ECT2L: variants seen among roughly 807,000 people sequenced by gnomAD.
ECT2L encodes epithelial cell transforming 2 like.
In ECT2L, 126 loss-of-function variants were observed where a neutral mutation model predicts 122.8. The ratio of observed to expected loss-of-function variants is 1.03; its 90% confidence interval spans 0.89 to 1.19. The LOEUF (loss-of-function observed/expected upper bound fraction) is 1.19. ECT2L is among the 50% of genes most tolerant of loss of function. The pLI is 0.00. For synonymous variants in ECT2L, 385 were observed against 381.8 expected, an observed-to-expected ratio of 1.01 and a Z score of -0.10; for missense variants, 1,012 against 1,064.1, an observed-to-expected ratio of 0.95 and a Z score of 0.68.
intron 14 of ECT2L, chr6:138,879,171 A>T: frequency 3.7e-6 from 1 of 267,558 alleles, no homozygotes; most frequent in East Asian, 1.1e-4. Context: ...CGCCTCATTG[A>T]CAAGCCTTGC....
chr6:138,830,004 G>A (rs938947437), intron 4 of ECT2L, among the ~76,000 whole-genome samples: 13 of 152,152 alleles, frequency 8.5e-5, no homozygotes, highest in African/African-American at 2.7e-4. Flanking sequence ...GATTACAGGC[G>A]TGAGCCACCG....
At chr6:138,809,791 G>A (rs1775831045) in intron 1 of ECT2L, among the ~76,000 whole-genome samples, 1 of 152,162 alleles carries the variant, frequency 6.6e-6, no homozygotes, top group Non-Finnish European at 1.5e-5. Flanking sequence ...TTCTCTGGAA[G>A]ATTTTGTGTA....
chr6:138,848,366 G>A (rs953642112), intron 8 of ECT2L, among the ~76,000 whole-genome samples: 8 of 152,040 alleles, frequency 5.3e-5, no homozygotes, highest in Non-Finnish European at 1.2e-4. Flanking sequence ...AAGAATGTCA[G>A]AAATCCTGTT....
At chr6:138,841,049 C>A (rs1203572946) in intron 5 of ECT2L, among the ~76,000 whole-genome samples, 1 of 152,068 alleles carries the variant, frequency 6.6e-6, no homozygotes. Flanking sequence ...GATCTTAAAC[C>A]CATCCATTGA....
chr6:138,806,511 C>CTTCTTTTT lies in ECT2L; in HGVS notation c.-243-6325_-243-6324insCTTTTTTT, dbSNP rs530723007. Reference sequence around the variant, plus strand: ...TCCCCTGTGCAGCTGAAAATTCACGCTTTTTTTTTTTTTTTTTTTGAGATG... The same window carrying CTTCTTTTT: ...TCCCCTGTGCAGCTGAAAATTCACGCTTCTTTTTTTTTTTTTTTTTTTTTTTTGAGATG... On this transcript the variant is annotated intron_variant, in intron 1 of 21. Transcript: ENST00000541398. 8.9e-5 allele frequency among the ~76,000 whole-genome samples: 8 copies of CTTCTTTTT among 89,664 alleles called. 1 individual carries two copies. Among genetic ancestry groups the CTTCTTTTT allele is most frequent in the Non-Finnish European group, 8.0e-5 (4 of 49,870 alleles). 58.8% of individuals were successfully genotyped at this position (89,664 alleles called of 152,430 possible). A position where few individuals can be genotyped will look rare whatever the true frequency, so the allele number is the denominator to read the frequency against.
At chr6:138,857,133 T>G (rs1217224070) in intron 10 of ECT2L, among the ~76,000 whole-genome samples, 1 of 152,166 alleles carries the variant, frequency 6.6e-6, no homozygotes, top group East Asian at 1.9e-4. Context: ...TCTCCAGACT[T>G]CCACATCCAA....
At position 138,815,104 on chromosome 6, in the gene ECT2L, C is replaced by T. The variant is rs74899739; in HGVS notation, c.179+501C>T. ...TTCTTCCCCTTCCCTCATGTTATGT[C>T]TGTAATTTACTTTAAAACACTCAGC... On this transcript the variant is annotated intron_variant, in intron 4 of 21. Transcript: ENST00000541398. Among the ~76,000 whole-genome samples the T allele has an allele frequency of 7.3e-3, 1,107 of 152,218 alleles. 17 individuals carry two copies. Among genetic ancestry groups the T allele is most frequent in the African/African-American group, 0.025 (1,056 of 41,512 alleles).
At chr6:138,826,980 C>G (rs1325785406) in intron 4 of ECT2L, among the ~76,000 whole-genome samples, 5 of 152,150 alleles carry the variant, frequency 3.3e-5, no homozygotes, top group Non-Finnish European at 7.3e-5. Context: ...CTGAGAAAAC[C>G]AAGCAGATGC....
chr6:138,884,563 G>C (rs1778747850), intron 16 of ECT2L, among the ~76,000 whole-genome samples: 1 of 151,978 alleles, frequency 6.6e-6, no homozygotes, highest in Non-Finnish European at 1.5e-5. Flanking sequence ...GCTTGAACCT[G>C]GGAGGCAGAG....
At position 138,865,068 on chromosome 6, in the gene ECT2L, A is replaced by C. The variant is rs1314384484; in HGVS notation, c.1364A>C (p.Gln455Pro). ...SSIYFCESKL[Q>P]TWSSFTDFLE... ...ATCTACTTCTGCGAATCGAAGCTAC[A>C]GACGTGGTCCAGCTTCACAGACTTC... Residue 455 changes from glutamine to proline, a missense_variant, in exon 12 of 22, where the codon CAG (glutamine) becomes CCG (proline). Gln to Pro is a moderately conservative substitution (Grantham distance 76). Transcript: ENST00000541398. 1.9e-6 allele frequency: 3 copies of C among 1,614,172 alleles called. No homozygotes were observed. The South Asian group carries it at 3.3e-5, about 18-fold the overall frequency.
At chr6:138,894,683 A>C (rs1015109593) in intron 20 of ECT2L, among the ~76,000 whole-genome samples, 1 of 152,136 alleles carries the variant, frequency 6.6e-6, no homozygotes, top group Non-Finnish European at 1.5e-5. Flanking sequence ...GACAAAGAAC[A>C]ATTATGGTCA....
chr6:138,900,802 T>TA lies in ECT2L; in HGVS notation c.2415-145dup, dbSNP rs1408836034. Reference sequence around the variant, plus strand: ...GGGCGAATCACATCAGGAGGAATATTATACTGAGAACTTCAACCAGCCATT... The same window carrying TA: ...GGGCGAATCACATCAGGAGGAATATTAATACTGAGAACTTCAACCAGCCATT... On this transcript the variant is annotated intron_variant, in intron 20 of 21. Transcript: ENST00000541398. 3 of 854,390 alleles carry TA rather than the reference T, an allele frequency of 3.5e-6. No homozygotes were observed. In the African/African-American group the frequency reaches 5.2e-5, roughly 15 times the overall value. The allele number at this position is 854,390 out of a possible 1,614,324, so 52.9% of individuals were successfully genotyped here.
intron 13 of ECT2L, among the ~76,000 whole-genome samples, chr6:138,874,748 A>G (rs888559467): frequency 3.9e-5 from 6 of 152,170 alleles, no homozygotes; most frequent in African/African-American, 1.4e-4. Context: ...GCCCAACCTG[A>G]GAGTTTTGTT....
At chr6:138,896,031 T>C (rs1292581789) in intron 20 of ECT2L, among the ~76,000 whole-genome samples, 3 of 152,146 alleles carry the variant, frequency 2.0e-5, no homozygotes, top group Non-Finnish European at 4.4e-5. Flanking sequence ...TTAGAATATA[T>C]TTTGTACCTT....
intron 13 of ECT2L, among the ~76,000 whole-genome samples, chr6:138,871,676 C>A (rs547626090): frequency 6.6e-6 from 1 of 152,062 alleles, no homozygotes; most frequent in African/African-American, 2.4e-5. Flanking sequence ...CATGGTGGGG[C>A]ACACCTGTAG....
chr6:138,849,568 C>T (rs1411322362), intron 9 of ECT2L, 134 bp downstream of exon 9: 5 of 840,338 alleles, frequency 5.9e-6, no homozygotes, highest in East Asian at 3.3e-5. Context: ...ATGAAAAAAG[C>T]GAAGCTTTTT....
At chr6:138,882,596 A>C (rs1410450670) in intron 15 of ECT2L, 128 bp from the exon 16 acceptor site, 10 of 1,120,306 alleles carry the variant, frequency 8.9e-6, no homozygotes, top group Non-Finnish European at 1.3e-5. Context: ...TGTTAGGAAG[A>C]AATGACTTGA....
intron 4 of ECT2L, among the ~76,000 whole-genome samples, chr6:138,833,833 T>C (rs1391905906): frequency 1.5e-5 from 2 of 136,462 alleles, no homozygotes; most frequent in African/African-American, 5.8e-5. Flanking sequence ...TAAAAAAAAA[T>C]GCACCAGGGA....
At position 138,844,432 on chromosome 6, in the gene ECT2L, C is replaced by A; in HGVS notation, c.616C>A (p.Pro206Thr). The A allele has an allele frequency of 1.2e-6, 2 of 1,613,886 alleles. No individual in the cohort carries two copies. The highest frequency in any genetic ancestry group is 1.7e-6 in the Non-Finnish European group (2 of 1,179,864). Residue 206 changes from proline to threonine, a missense_variant, in exon 7 of 22, where the codon CCC becomes ACC. Transcript: ENST00000541398. ...LRKKELFKVR[P>T]PWVSGTCCSS... ...TTCAGAGGAGTTATTCAAAGTTCGA[C>A]CCCCTTGGGTGAGTGGAACTTGCTG...
Sources: gnomAD v4.1 joint callset for allele counts (sites outside exome capture counted in the v4.1 genomes callset) on GRCh38, gnomAD v4.1.1 for gene constraint, MANE v1.5 for transcripts, NCBI Gene and HGNC (gene_info 2026-07-23, HGNC 2026-07-21) for gene names.